Variants in TTC27 observed in about 807,000 individuals in gnomAD.
The protein encoded by TTC27 is tetratricopeptide repeat domain 27, also known as tetratricopeptide repeat protein 27.
In TTC27, 79 loss-of-function variants were observed where a neutral mutation model predicts 115.9. The observed-to-expected ratio is 0.68, with a 90% confidence interval of 0.57 to 0.82. The LOEUF is 0.82. TTC27 is among the 40% of genes least tolerant of loss of function. The probability of loss-of-function intolerance (pLI) is 0.00; values close to 1 mark genes in which losing one functional copy is unlikely to be tolerated. For missense variants in TTC27, 1,054 were observed against 993.1 expected (o/e 1.06, Z -0.82); for synonymous variants, 401 against 356.0 (o/e 1.13, Z -1.42).
chr2:32,682,132 A>T (rs1443202877), intron 9 of TTC27, among the ~76,000 whole-genome samples: 1 of 151,734 alleles, frequency 6.6e-6, no homozygotes, highest in Non-Finnish European at 1.5e-5. Context: ...CTTTACTCAT[A>T]GTTGTTGTGA....
At chr2:32,733,185 T>C (rs1250184676) in intron 10 of TTC27, among the ~76,000 whole-genome samples, 1 of 152,230 alleles carries the variant, frequency 6.6e-6, no homozygotes, top group Non-Finnish European at 1.5e-5. Flanking sequence ...TATTTTGGTC[T>C]TGTTGGTCTG....
chr2:32,789,790 G>C (rs1182056847), intron 16 of TTC27, among the ~76,000 whole-genome samples: 1 of 151,546 alleles, frequency 6.6e-6, no homozygotes, highest in Non-Finnish European at 1.5e-5. Flanking sequence ...GCTGGGCTTG[G>C]TAATATGTAC....
At chr2:32,710,235 C>T (rs1020462079) in intron 10 of TTC27, among the ~76,000 whole-genome samples, 1 of 151,958 alleles carries the variant, frequency 6.6e-6, no homozygotes, top group Non-Finnish European at 1.5e-5. Flanking sequence ...TAGTTTTGGC[C>T]TTCTTAATAG....
At chr2:32,704,812 A>G (rs1667311087) in intron 10 of TTC27, 1 of 466,590 alleles carries the variant, frequency 2.1e-6, no homozygotes, top group Non-Finnish European at 4.5e-6. Context: ...AGGTCATAGA[A>G]TTTTGGCTGT....
chr2:32,671,203 A>G (rs564680003), intron 7 of TTC27, among the ~76,000 whole-genome samples: 178 of 152,034 alleles, frequency 1.2e-3, no homozygotes, highest in African/African-American at 4.0e-3. Flanking sequence ...GTTTTCTTCT[A>G]GAAGTTTTTT....
intron 8 of TTC27, among the ~76,000 whole-genome samples, chr2:32,678,349 A>G (rs1666292914): frequency 6.6e-6 from 1 of 151,420 alleles, no homozygotes; most frequent in Non-Finnish European, 1.5e-5. Flanking sequence ...TTTATACTTT[A>G]TACCTTATAT....
At chr2:32,797,009 C>CA (rs1670724877) in intron 16 of TTC27, among the ~76,000 whole-genome samples, 1 of 151,018 alleles carries the variant, frequency 6.6e-6, no homozygotes, top group East Asian at 1.9e-4. Context: ...CCCATCTCTA[C>CA]AAAAAAATAC....
intron 11 of TTC27, among the ~76,000 whole-genome samples, chr2:32,734,735 C>T (rs1668397102): frequency 6.6e-6 from 1 of 152,100 alleles, no homozygotes; most frequent in South Asian, 2.1e-4. Flanking sequence ...GTTGATCACC[C>T]AATCTACATG....
chr2:32,772,895 C>T (rs1380468549), intron 13 of TTC27, among the ~76,000 whole-genome samples: 1 of 152,074 alleles, frequency 6.6e-6, no homozygotes, highest in African/African-American at 2.4e-5. Context: ...CTAGTCCACC[C>T]CTGCTTATTT....
At chr2:32,767,526 A>G (rs183718011) in intron 13 of TTC27, among the ~76,000 whole-genome samples, 2,524 of 146,410 alleles carry the variant, frequency 0.017, 60 homozygotes, top group African/African-American at 0.061. Context: ...CAGTGGCGCA[A>G]TCTCGGCTCA....
At chr2:32,686,937 T>G (rs893464912) in intron 9 of TTC27, among the ~76,000 whole-genome samples, 3 of 152,072 alleles carry the variant, frequency 2.0e-5, no homozygotes, top group Non-Finnish European at 2.9e-5. Flanking sequence ...CTCTACCTCC[T>G]GGGTTCAAGC....
chr2:32,696,801 C>A (rs1413766322), intron 9 of TTC27, among the ~76,000 whole-genome samples: 2 of 152,098 alleles, frequency 1.3e-5, no homozygotes, highest in Non-Finnish European at 2.9e-5. Context: ...TTACTTTTTT[C>A]ATACAAAGAT....
intron 19 of TTC27, among the ~76,000 whole-genome samples, chr2:32,819,582 A>G (rs545351031): frequency 9.7e-4 from 147 of 152,314 alleles, no homozygotes; most frequent in African/African-American, 3.4e-3. Context: ...GCTTAATTGA[A>G]TGAATCTCAG....
intron 9 of TTC27, among the ~76,000 whole-genome samples, chr2:32,692,801 G>C (rs1336562068): frequency 6.6e-6 from 1 of 151,854 alleles, no homozygotes; most frequent in East Asian, 1.9e-4. Flanking sequence ...GTAAAATCTT[G>C]TCTCTGCAAA....
intron 5 of TTC27, among the ~76,000 whole-genome samples, chr2:32,654,594 G>A (rs927682141): frequency 1.3e-5 from 2 of 151,882 alleles, no homozygotes; most frequent in African/African-American, 2.4e-5. Context: ...GCAGTGATGC[G>A]ATCTAGACTC....
At chr2:32,674,942 G>A (rs752855677) in intron 8 of TTC27, among the ~76,000 whole-genome samples, 1 of 152,022 alleles carries the variant, frequency 6.6e-6, no homozygotes, top group Non-Finnish European at 1.5e-5. Flanking sequence ...GATTACAGGC[G>A]TGAGCCACCG....
chr2:32,657,612 T>C (rs1480943018), intron 5 of TTC27, among the ~76,000 whole-genome samples: 1 of 152,152 alleles, frequency 6.6e-6, no homozygotes, highest in Non-Finnish European at 1.5e-5. Context: ...CAAAGGGGTA[T>C]CTGTTTCTTA....
rs938194442 is a variant in TTC27 at position 32,777,276 on chromosome 2, T to G, written c.1681-606T>G. 2.6e-5 allele frequency among the ~76,000 whole-genome samples: 4 copies of G among 152,380 alleles called. No individual in the cohort carries two copies. The South Asian group carries it at 8.3e-4, about 32-fold the overall frequency. On this transcript the variant is annotated intron_variant, in intron 13 of 19. Transcript: ENST00000317907. ...CATCAGTTGTGAATCTGCTGATACT[T>G]TGTATATGGTGGTCCCTCAGAATGC...
chr2:32,736,731 C>G lies in TTC27; in HGVS notation c.1367C>G (p.Thr456Ser), dbSNP rs1181855945. ...AGTTTGCTCTTTGAGTTGGGATGTA[C>G]CAGTTCAGCCCTTCAGATATTTGAA... ...LASLLFELGCTSSALQIFEKL... is the reference protein window; with the variant it reads ...LASLLFELGCSSSALQIFEKL... Residue 456 changes from threonine (T) to serine (S), a missense_variant, in exon 12 of 20, where the codon ACC (threonine) becomes AGC (serine). Physicochemically the swap from Thr to Ser is moderately conservative, Grantham distance 58 (BLOSUM62 1). Coordinates refer to ENST00000317907, the MANE Select transcript of TTC27 (RefSeq NM_017735.5). 1 of 1,613,964 alleles carries G rather than the reference C, an allele frequency of 6.2e-7. No homozygotes were observed. Among genetic ancestry groups the G allele is most frequent in the Non-Finnish European group, 8.5e-7 (1 of 1,179,920 alleles).
Sources: gnomAD v4.1 joint callset for allele counts (sites outside exome capture counted in the v4.1 genomes callset) on GRCh38, gnomAD v4.1.1 for gene constraint, MANE v1.5 for transcripts, NCBI Gene and HGNC (gene_info 2026-07-23, HGNC 2026-07-21) for gene names.